PDLIM2: variants seen among roughly 807,000 people sequenced by gnomAD.
PDLIM2 encodes PDZ and LIM domain protein 2.
PDLIM2 carries 51 observed loss-of-function variants against 54.1 expected under a neutral mutation model. That is an observed-to-expected ratio of 0.94 (90% CI 0.75 to 1.19). The LOEUF is 1.19. Among genes scored for constraint, PDLIM2 ranks in the 50% most tolerant of loss-of-function variants. The probability of loss-of-function intolerance (pLI) is 0.00; values close to 1 mark genes in which losing one functional copy is unlikely to be tolerated. For missense variants in PDLIM2, 912 were observed against 874.0 expected (o/e 1.04, Z -0.55); for synonymous variants, 398 against 385.6 (o/e 1.03, Z -0.38).
rs930549000 is a variant in PDLIM2, at chr8:22,589,359, G to T, written c.1352G>T (p.Arg451Leu). 3 of 1,534,728 alleles carry T rather than the reference G, an allele frequency of 2.0e-6. No individual in the cohort carries two copies. In the African/African-American group the frequency reaches 4.1e-5, roughly 21 times the overall value. Residue 451 changes from arginine (R) to leucine (L), a missense_variant, in exon 7 of 10, where the codon CGT (arginine) becomes CTT (leucine). Transcript: ENST00000308354. The stretch of plus-strand genomic sequence containing the variant: ...GTGCTGCCGCCTTCCCCGGGCCCTC[G>T]TTCCTCCAGGCCCAGGTACCAGCAG...
chr8:22,580,467 C>A lies in PDLIM2; in HGVS notation c.749-136C>A. The A allele has an allele frequency of 6.5e-7, 1 of 1,532,682 alleles. No individual in the cohort carries two copies. The highest frequency in any genetic ancestry group is 8.8e-7 in the Non-Finnish European group (1 of 1,141,032). 94.9% of individuals were successfully genotyped at this position (1,532,682 alleles called of 1,614,324 possible). A position where few individuals can be genotyped will look rare whatever the true frequency, so the allele number is the denominator to read the frequency against. ...GGAGTTAGCCACTTCCTCTACCCACCCCAAAGCCCCTGAGTAGCTGCTCCG... is the reference window on the plus strand; with the variant it reads ...GGAGTTAGCCACTTCCTCTACCCACACCAAAGCCCCTGAGTAGCTGCTCCG... On this transcript the variant is annotated intron_variant, in intron 1 of 9. Coordinates refer to ENST00000308354, the Ensembl canonical transcript of PDLIM2.
rs997799522 is a variant in PDLIM2 at position 22,580,848 on chromosome 8, C to T, written c.843+151C>T. 4 of 888,412 alleles carry T rather than the reference C, an allele frequency of 4.5e-6. No homozygotes were observed. In the Admixed American group the frequency reaches 8.2e-5, roughly 18 times the overall value. 55.0% of individuals were successfully genotyped at this position (888,412 alleles called of 1,614,324 possible). The stretch of plus-strand genomic sequence containing the variant: ...TGCTGGCTGTAAGGGAGCCGTGGCC[C>T]TTTGCCACGGGGATGTGGTGGCCAC... On this transcript the variant is annotated intron_variant, in intron 2 of 9. Transcript: ENST00000308354.
chr8:22,588,640 C>T (rs1236471258), intron 6 of PDLIM2: 1 of 152,610 alleles, frequency 6.6e-6, no homozygotes, highest in Non-Finnish European at 1.5e-5. Context: ...CCCAGATGGA[C>T]ACGGCACACC....
At chr8:22,584,882 C>A (rs144878093) in exon 4 of PDLIM2, 6 of 1,614,020 alleles carry the variant, frequency 3.7e-6, no homozygotes, top group East Asian at 4.5e-5. Flanking sequence ...GCTGGCGACT[C>A]GCTTCCAGGT....
rs1800331779 is a variant in PDLIM2 at position 22,585,010 on chromosome 8, T to C, written c.1066-7T>C. On this transcript the variant is annotated splice_polypyrimidine_tract_variant and splice_region_variant and intron_variant, in intron 4 of 9. Coordinates refer to ENST00000308354, the Ensembl canonical transcript of PDLIM2. The stretch of plus-strand genomic sequence containing the variant: ...TGCCTTTCCTGACACAGTCACTCTC[T>C]CCACAGGGCTCCGTGAGGACATACA... 1 of 1,613,518 alleles carries C rather than the reference T, an allele frequency of 6.2e-7. No individual in the cohort carries two copies. Among genetic ancestry groups the C allele is most frequent in the East Asian group, 2.2e-5 (1 of 44,876 alleles).
Position 22,581,364 on chromosome 8 carries a change from T to C in PDLIM2, c.844-15T>C. 6.3e-7 allele frequency: 1 copy of C among 1,588,638 alleles called. No homozygotes were observed. ...TGGGCCACGGTCTGAGCATGCCAGC[T>C]CCTCATCCCTACAGGTGGCCGAGCG... On this transcript the variant is annotated splice_polypyrimidine_tract_variant and intron_variant, in intron 2 of 9. Coordinates refer to ENST00000308354, the Ensembl canonical transcript of PDLIM2.
At chr8:22,589,257 G>T in intron 6 of PDLIM2, 41 bp from the exon 6 acceptor site, 1 of 1,531,448 alleles carries the variant, frequency 6.5e-7, no homozygotes, top group Non-Finnish European at 8.7e-7. Flanking sequence ...TTGGCCCAAG[G>T]CTCTGGCCCT....
At chr8:22,584,965 C>T (rs887422728) in intron 4 of PDLIM2, 52 bp from the exon 4 acceptor site, 36 of 1,613,170 alleles carry the variant, frequency 2.2e-5, no homozygotes, top group African/African-American at 4.0e-5. Flanking sequence ...GAGGGCAGGG[C>T]GGCCTTGGCG....
Position 22,589,290 on chromosome 8 carries a change from C to T in PDLIM2, c.1291-8C>T. On this transcript the variant is annotated splice_polypyrimidine_tract_variant and splice_region_variant and intron_variant, in intron 6 of 9. Transcript: ENST00000308354. The stretch of plus-strand genomic sequence containing the variant: ...CCTGACTCCTCCCCGGCTGCCTCCT[C>T]CCAACAGGCCGGCCTCGGCCGCGCT... 1 of 1,533,854 alleles carries T rather than the reference C, an allele frequency of 6.5e-7. No homozygotes were observed. Among genetic ancestry groups the T allele is most frequent in the South Asian group, 1.2e-5 (1 of 83,914 alleles).
At position 22,594,270 on chromosome 8, in the gene PDLIM2, T is replaced by C. The variant is rs143788654; in HGVS notation, c.*360T>C. The C allele has an allele frequency of 3.9e-4, 550 of 1,395,922 alleles. 5 individuals are homozygous for C. In the East Asian group the frequency reaches 0.014, roughly 36 times the overall value. 86.5% of individuals were successfully genotyped at this position (1,395,922 alleles called of 1,614,324 possible). ...TGTAAAGTTTTTGACATACTAGCTC[T>C]ATAAATATATGAATATGGACAAAAT... On this transcript the variant is annotated 3_prime_UTR_variant, in exon 10 of 10. Coordinates refer to ENST00000308354, the Ensembl canonical transcript of PDLIM2.
chr8:22,584,786 C>A, intron 3 of PDLIM2, 35 bp from the exon 3 acceptor site: 1 of 1,605,310 alleles, frequency 6.2e-7, no homozygotes, highest in South Asian at 1.1e-5. Context: ...GGTGCAGGGC[C>A]CCTGTGACAT....
downstream of PDLIM2, chr8:22,597,546 C>G (rs1800705705): frequency 6.5e-6 from 1 of 152,720 alleles, no homozygotes; most frequent in African/African-American, 2.4e-5. Context: ...ACACTGCATT[C>G]CTGCTGGCTG....
At chr8:22,586,617 C>T (rs943234504) in intron 6 of PDLIM2, among the ~76,000 whole-genome samples, 1 of 151,960 alleles carries the variant, frequency 6.6e-6, no homozygotes, top group Non-Finnish European at 1.5e-5. Flanking sequence ...TAGGGGGAAC[C>T]TTTGTTCTGA....
Position 22,591,669 on chromosome 8 carries a change from G to T in PDLIM2, c.1631+1G>T, listed in dbSNP as rs573038256. ...GTGAGAAGTGCAGTACCAGCATCGC[G>T]TGAGTGTGGAGGGGGGTGGGGGACC... On this transcript the variant is annotated splice_donor_variant, in intron 9 of 9. Coordinates refer to ENST00000308354, the Ensembl canonical transcript of PDLIM2. LOFTEE classifies it high-confidence loss of function. 18 of 1,607,700 alleles carry T rather than the reference G, an allele frequency of 1.1e-5. No individual in the cohort carries two copies. Among genetic ancestry groups the T allele is most frequent in the Non-Finnish European group, 1.4e-5 (17 of 1,176,668 alleles).
At chr8:22,586,570 C>G (rs767450835) in intron 6 of PDLIM2, among the ~76,000 whole-genome samples, 5 of 151,746 alleles carry the variant, frequency 3.3e-5, no homozygotes, top group Admixed American at 3.3e-4. Context: ...AACACTGGTC[C>G]GGGCGACGGC....
exon 8 of PDLIM2, chr8:22,589,618 C>G (rs776216071): frequency 1.2e-6 from 2 of 1,602,072 alleles, no homozygotes; most frequent in Non-Finnish European, 1.7e-6. Context: ...AGGGGGAAGC[C>G]TCCTCCTGGA....
exon 3 of PDLIM2, chr8:22,581,502 C>T (rs758641401): frequency 6.3e-7 from 1 of 1,595,982 alleles, no homozygotes; most frequent in Non-Finnish European, 8.5e-7. Flanking sequence ...CCGCCAGAGC[C>T]CCTCGCCCCT....
chr8:22,585,534 G>A (rs1329947097), intron 6 of PDLIM2, 135 bp downstream of exon 5: 2 of 860,192 alleles, frequency 2.3e-6, no homozygotes, highest in South Asian at 3.3e-5. Flanking sequence ...CCACAGGCAT[G>A]CTCTGCTCCT....
At chr8:22,581,186 G>T in intron 2 of PDLIM2, 193 bp from the exon 2 acceptor site, 1 of 678,020 alleles carries the variant, frequency 1.5e-6, no homozygotes. Flanking sequence ...TGCCAGTGTG[G>T]GGTGGGGGCT....
Sources: allele counts gnomAD v4.1 joint callset (sites outside exome capture counted in the v4.1 genomes callset), GRCh38; gene constraint gnomAD v4.1.1; transcripts MANE v1.5; gene names NCBI Gene and HGNC (gene_info 2026-07-23, HGNC 2026-07-21).